GRB10: variants seen among roughly 807,000 people sequenced by gnomAD.
The protein encoded by GRB10 is growth factor receptor-bound protein 10.
A neutral mutation model predicts 80.9 loss-of-function variants in GRB10; 20 were observed. That is an observed-to-expected ratio of 0.25 (90% CI 0.17 to 0.36). The LOEUF is 0.36. Ranked by LOEUF, GRB10 falls within the 10% of genes least tolerant of loss-of-function variation. The pLI, the probability that GRB10 is intolerant of heterozygous loss-of-function variation, is 1.00. For missense variants in GRB10, 548 were observed against 747.7 expected, an observed-to-expected ratio of 0.73 and a Z score of 3.12; for synonymous variants, 291 against 291.5, an observed-to-expected ratio of 1.00 and a Z score of 0.02.
chr7:50,679,957 A>T (rs1363194174), intron 5 of GRB10, among the ~76,000 whole-genome samples: 1 of 152,250 alleles, frequency 6.6e-6, no homozygotes, highest in Non-Finnish European at 1.5e-5. Flanking sequence ...ACAACAATTT[A>T]TCTTCTATTC....
At chr7:50,701,732 T>TC (rs547616750) in intron 5 of GRB10, among the ~76,000 whole-genome samples, 59 of 152,324 alleles carry the variant, frequency 3.9e-4, no homozygotes, top group African/African-American at 1.3e-3. Flanking sequence ...TGGTTATCCT[T>TC]CCCCCTGCAT....
intron 5 of GRB10, among the ~76,000 whole-genome samples, chr7:50,677,305 G>A (rs942650017): frequency 2.0e-5 from 3 of 152,114 alleles, no homozygotes; most frequent in African/African-American, 7.2e-5. Context: ...GTCAGCAGGC[G>A]AACTCTTGCT....
At chr7:50,741,121 T>TA (rs1305023214) in intron 3 of GRB10, among the ~76,000 whole-genome samples, 1 of 152,036 alleles carries the variant, frequency 6.6e-6, no homozygotes, top group East Asian at 1.9e-4. Flanking sequence ...TACACTTCAA[T>TA]AAAAAGTTTA....
chr7:50,774,938 G>T (rs1422998903), intron 2 of GRB10, among the ~76,000 whole-genome samples: 2 of 151,132 alleles, frequency 1.3e-5, no homozygotes, highest in Non-Finnish European at 3.0e-5. Context: ...GAGCCCAGGA[G>T]GTCGAGACCA....
intron 1 of GRB10, among the ~76,000 whole-genome samples, chr7:50,788,051 G>T (rs1372719240): frequency 7.0e-6 from 1 of 142,562 alleles, no homozygotes; most frequent in Non-Finnish European, 1.6e-5. Flanking sequence ...ACCAGGCACT[G>T]TCCCTGGGCA....
At chr7:50,631,664 C>T (rs2054024423) in intron 7 of GRB10, among the ~76,000 whole-genome samples, 3 of 152,186 alleles carry the variant, frequency 2.0e-5, no homozygotes, top group Admixed American at 6.5e-5. Context: ...GTCCCGAAGA[C>T]GTGATATGAG....
chr7:50,703,310 C>A (rs76267930), intron 5 of GRB10, among the ~76,000 whole-genome samples: 5,134 of 152,280 alleles, frequency 0.034, 289 homozygotes, highest in African/African-American at 0.12. Context: ...CCTCATCCTA[C>A]GGCAAAGCTT....
intron 2 of GRB10, among the ~76,000 whole-genome samples, chr7:50,768,209 C>T (rs1200661770): frequency 6.6e-6 from 1 of 152,136 alleles, no homozygotes; most frequent in Non-Finnish European, 1.5e-5. Context: ...TAAAGGCAAA[C>T]CCTGAGTGGT....
At chr7:50,726,548 AATATATACAT>A (rs2068688764) in intron 4 of GRB10, among the ~76,000 whole-genome samples, 1 of 152,156 alleles carries the variant, frequency 6.6e-6, no homozygotes, top group African/African-American at 2.4e-5. Flanking sequence ...ACTGAGAATA[AATATATACAT>A]ATTTATGTAT....
intron 1 of GRB10, among the ~76,000 whole-genome samples, chr7:50,789,720 A>G (rs182630264): frequency 6.6e-6 from 1 of 152,358 alleles, no homozygotes; most frequent in Non-Finnish European, 1.5e-5. Flanking sequence ...TATGTAAAGT[A>G]GATGGTTCAA....
intron 7 of GRB10, among the ~76,000 whole-genome samples, chr7:50,668,992 C>T (rs371450207): frequency 3.9e-5 from 6 of 152,218 alleles, no homozygotes; most frequent in Non-Finnish European, 7.3e-5. Flanking sequence ...CTTCTGCTTT[C>T]GGCAGATCAT....
chr7:50,672,195 C>T (rs111723264), intron 6 of GRB10, among the ~76,000 whole-genome samples: 4,328 of 152,284 alleles, frequency 0.028, 103 homozygotes, highest in Middle Eastern at 0.092. Flanking sequence ...TGCATGGCAG[C>T]CCCCGGTAAG....
intron 1 of GRB10, among the ~76,000 whole-genome samples, chr7:50,788,083 T>C (rs2078769149): frequency 6.6e-6 from 1 of 152,218 alleles, no homozygotes; most frequent in Non-Finnish European, 1.5e-5. Context: ...TACAAACTTC[T>C]GAATTTAAAA....
chr7:50,710,548 TTTC>T (rs2065731153), intron 4 of GRB10, among the ~76,000 whole-genome samples: 1 of 152,036 alleles, frequency 6.6e-6, no homozygotes, highest in East Asian at 1.9e-4. Flanking sequence ...TTCAGGCAGT[TTTC>T]TTATCTAAAA....
chr7:50,780,310 T>C (rs1417559800), intron 2 of GRB10, among the ~76,000 whole-genome samples: 1 of 152,182 alleles, frequency 6.6e-6, no homozygotes, highest in African/African-American at 2.4e-5. Flanking sequence ...TGTGCCAAGT[T>C]ATTTAATCTG....
At chr7:50,739,539 C>T (rs776596604) in intron 3 of GRB10, among the ~76,000 whole-genome samples, 1 of 152,224 alleles carries the variant, frequency 6.6e-6, no homozygotes, top group African/African-American at 2.4e-5. Context: ...GCTCATCACA[C>T]ATGGCAACGT....
chr7:50,752,939 T>G (rs2074388668), intron 3 of GRB10, among the ~76,000 whole-genome samples: 1 of 152,232 alleles, frequency 6.6e-6, no homozygotes, highest in South Asian at 2.1e-4. Context: ...GAGGTCTCTT[T>G]GGGCCCAAGA....
intron 7 of GRB10, among the ~76,000 whole-genome samples, chr7:50,658,448 G>A (rs1047310856): frequency 3.3e-5 from 5 of 152,148 alleles, no homozygotes; most frequent in African/African-American, 1.2e-4. Context: ...CAAAATAGGC[G>A]GTCTCTGTGA....
At chr7:50,656,393 T>C (rs531110161) in intron 7 of GRB10, among the ~76,000 whole-genome samples, 19 of 152,134 alleles carry the variant, frequency 1.2e-4, no homozygotes, top group Non-Finnish European at 2.8e-4. Context: ...ACTGGAACAA[T>C]ACATGCTGGA....
Sources: allele counts gnomAD v4.1 joint callset (sites outside exome capture counted in the v4.1 genomes callset), GRCh38; gene constraint gnomAD v4.1.1; transcripts MANE v1.5; gene names NCBI Gene and HGNC (gene_info 2026-07-23, HGNC 2026-07-21).